The following ZC3H3 variants were observed in gnomAD, a reference collection of about 807,000 sequenced individuals.
ZC3H3 encodes the protein zinc finger CCCH-type containing 3.
A neutral mutation model predicts 77.3 loss-of-function variants in ZC3H3; 36 were observed. The observed-to-expected ratio is 0.47, with a 90% CI of 0.36 to 0.61. The LOEUF is 0.61. Ranked by LOEUF, ZC3H3 falls within the 20% of genes least tolerant of loss-of-function variation. The probability of loss-of-function intolerance (pLI) is 0.00; values close to 1 mark genes in which losing one functional copy is unlikely to be tolerated. For synonymous variants in ZC3H3, 626 were observed against 555.2 expected, an observed-to-expected ratio of 1.13 and a Z score of -1.79; for missense variants, 1,331 against 1,312.2, an observed-to-expected ratio of 1.01 and a Z score of -0.22.
intron 4 of ZC3H3, among the ~76,000 whole-genome samples, chr8:143,500,171 G>A (rs1012290814): frequency 6.6e-6 from 1 of 152,206 alleles, no homozygotes; most frequent in Non-Finnish European, 1.5e-5. Flanking sequence ...AGCACATCCG[G>A]CAGCAGCCAC....
In ZC3H3 at chr8:143,494,431, C is replaced by T. The variant is rs421091; in HGVS notation, c.1715+13315G>A. 2.0e-5 allele frequency among the ~76,000 whole-genome samples: 3 copies of T among 152,100 alleles called. No homozygotes were observed. The highest frequency in any genetic ancestry group is 7.2e-5 in the African/African-American group (3 of 41,396). On this transcript the variant is annotated intron_variant, in intron 4 of 11. Transcript: ENST00000262577. This position sits in a 1 kb window ranked among gnomAD's most constrained non-coding sequence, Gnocchi z 5.3. Reference sequence around the variant, plus strand: ...ATGCCTGCCAGCGTGGAGGATGGGGCTCCGGCAGATGACCCCCGAGGGGTG... The same window carrying T: ...ATGCCTGCCAGCGTGGAGGATGGGGTTCCGGCAGATGACCCCCGAGGGGTG...
Position 143,538,894 on chromosome 8 carries a change from C to G in ZC3H3, c.473G>C (p.Arg158Thr). Residue 158 changes from arginine (R) to threonine (T), a missense_variant, in exon 2 of 12, where the codon AGG becomes ACG. Physicochemically the swap from Arg to Thr is moderately conservative, Grantham distance 71. Around this residue, in one of 3 missense-constraint regions of ZC3H3, gnomAD observed 978 missense variants for 915.5 expected, o/e 1.07. Coordinates refer to ENST00000262577, the MANE Select transcript of ZC3H3 (RefSeq NM_015117.3). ...GGGCTCACCTTCACCTTCCCGGGGC[C>G]TTTGGTCACTCCAGGGGGTTTCCTC... ...EFEETPWSDQ[R>T]PREGEGEPPR... 1 of 1,612,890 alleles carries G rather than the reference C, an allele frequency of 6.2e-7. No homozygotes were observed. Among genetic ancestry groups the G allele is most frequent in the South Asian group, 1.1e-5 (1 of 91,092 alleles).
Position 143,438,123 on chromosome 8 carries a change from C to G in ZC3H3, c.2816-36G>C, listed in dbSNP as rs978316704. On this transcript the variant is annotated intron_variant, in intron 11 of 11. Coordinates refer to ENST00000262577, the MANE Select transcript of ZC3H3 (RefSeq NM_015117.3). ...AGGGCAAAAGTTAGGTGCCCGGAAA[C>G]CCCTGGAAGAACCTCCCCAGCCTGC... 7 of 1,594,786 alleles carry G rather than the reference C, an allele frequency of 4.4e-6. No homozygotes were observed. The African/African-American group carries it at 6.7e-5, about 15-fold the overall frequency.
At position 143,534,274 on chromosome 8, in the gene ZC3H3, A is replaced by C. The variant is rs537842531; in HGVS notation, c.1561+1983T>G. ...AGGGAAGCAGGGCCCTGTTTCTAAA[A>C]ACATTAAAAAAAAAAAAAAAAACGA... is the stretch of plus-strand genomic sequence containing the variant. On this transcript the variant is annotated intron_variant, in intron 3 of 11. Transcript: ENST00000262577. Among the ~76,000 whole-genome samples the C allele has an allele frequency of 9.4e-5, 13 of 138,632 alleles. No individual in the cohort carries two copies. The South Asian group carries it at 3.2e-3, about 34-fold the overall frequency. 90.9% of individuals were successfully genotyped at this position (138,632 alleles called of 152,430 possible).
In ZC3H3 at chr8:143,539,170, T is replaced by C. The variant is rs745500359; in HGVS notation, c.197A>G (p.His66Arg). 34 of 1,612,898 alleles carry C rather than the reference T, an allele frequency of 2.1e-5. No individual in the cohort carries two copies. The Middle Eastern group carries it at 4.9e-4, about 23-fold the overall frequency. ...GTATTTCTTGCGCCACGAAGGCCCA[T>C]GGTGGGAAGAGTAGCCCCTCCGGCT... ...RPSRRGYSSH[H>R]GPSWRKKYSL... Residue 66 changes from histidine (H) to arginine (R), a missense_variant, in exon 2 of 12, where the codon CAT becomes CGT. This residue lies in a region of ZC3H3 where 978 missense variants were observed against 915.5 expected (regional missense o/e 1.07). Coordinates refer to ENST00000262577, the MANE Select transcript of ZC3H3 (RefSeq NM_015117.3).
Position 143,494,665 on chromosome 8 carries a change from G to T in ZC3H3, c.1715+13081C>A, listed in dbSNP as rs1821298067. Reference sequence around the variant, plus strand: ...TGTGGGCAGACACACGAGGGGATGGGAGCACAGGAACACAGCCCCCAGAGG... The same window carrying T: ...TGTGGGCAGACACACGAGGGGATGGTAGCACAGGAACACAGCCCCCAGAGG... On this transcript the variant is annotated intron_variant, in intron 4 of 11. Coordinates refer to ENST00000262577, the MANE Select transcript of ZC3H3 (RefSeq NM_015117.3). This position sits in a 1 kb window ranked among gnomAD's most constrained non-coding sequence, Gnocchi z 5.3. 6.6e-6 allele frequency among the ~76,000 whole-genome samples: 1 copy of T among 152,160 alleles called. No individual in the cohort carries two copies. Among genetic ancestry groups the T allele is most frequent in the Non-Finnish European group, 1.5e-5 (1 of 68,016 alleles).
At chr8:143,490,446 A>G (rs986158136) in intron 4 of ZC3H3, among the ~76,000 whole-genome samples, 4 of 151,988 alleles carry the variant, frequency 2.6e-5, no homozygotes, top group African/African-American at 9.7e-5. Context: ...CCCAGAGACC[A>G]CCCGGGCCCA....
At chr8:143,474,796 A>C (rs992654734) in intron 5 of ZC3H3, among the ~76,000 whole-genome samples, 1 of 152,258 alleles carries the variant, frequency 6.6e-6, no homozygotes, top group Non-Finnish European at 1.5e-5. Flanking sequence ...TTGTAGGATA[A>C]GTGAATCCAA....
At chr8:143,453,163 G>A (rs1426636475) in intron 9 of ZC3H3, among the ~76,000 whole-genome samples, 3 of 152,088 alleles carry the variant, frequency 2.0e-5, no homozygotes, top group Admixed American at 6.6e-5. Flanking sequence ...CTGCAGCCTC[G>A]ACCTCCAGGG....
chr8:143,491,008 G>A lies in ZC3H3; in HGVS notation c.1716-15423C>T, dbSNP rs60806877. On this transcript the variant is annotated intron_variant, in intron 4 of 11. Transcript: ENST00000262577. ...TTTAAAACGGCGGCACCCAGGTAGC[G>A]CCGGGTGACAAGGACATTTTATTTC... 7.9e-5 allele frequency among the ~76,000 whole-genome samples: 12 copies of A among 152,366 alleles called. No individual in the cohort carries two copies. The East Asian group carries it at 1.3e-3, about 17-fold the overall frequency.
chr8:143,447,322 A>G (rs1200505085), intron 9 of ZC3H3, among the ~76,000 whole-genome samples: 2 of 152,060 alleles, frequency 1.3e-5, no homozygotes. Context: ...CCCCTCTACC[A>G]CCACCAGCCA....
At chr8:143,539,468 C>G in intron 1 of ZC3H3, 148 bp from the exon 2 acceptor site, 1 of 857,820 alleles carries the variant, frequency 1.2e-6, no homozygotes, top group African/African-American at 1.7e-5. Context: ...GCCCCCAGAG[C>G]CTGGGACTCA....
rs58846050 is a variant in ZC3H3, at chr8:143,488,566, T to C, written c.1716-12981A>G. Among the ~76,000 whole-genome samples, 303 of 144,324 alleles carry C rather than the reference T, an allele frequency of 2.1e-3. 4 individuals carry two copies. Among genetic ancestry groups the C allele is most frequent in the African/African-American group, 8.0e-3 (288 of 35,986 alleles). 94.7% of individuals were successfully genotyped at this position (144,324 alleles called of 152,430 possible). On this transcript the variant is annotated intron_variant, in intron 4 of 11. Transcript: ENST00000262577. ...GCTACACGGCCCCATCACCACGAAG[T>C]TCAGGAACAGGCAAAGCCAATCAAG... is the stretch of plus-strand genomic sequence containing the variant.
In ZC3H3 at chr8:143,536,446, C is replaced by A; in HGVS notation, c.1372G>T (p.Gly458Ter). ...IRRRSSTSLP[G>*]DKKSGTSPAA... ...GGTGAGGTGCCGCTTTTCTTGTCTC[C>A]AGGAAGGCTGTGGAGACAAAATACA... Residue 458 changes from glycine to a stop codon, truncating the protein, a stop_gained, in exon 3 of 12, where the codon GGA (glycine) becomes TGA (stop). Coordinates refer to ENST00000262577, the MANE Select transcript of ZC3H3 (RefSeq NM_015117.3). LOFTEE classifies it high-confidence loss of function. 1 of 1,513,180 alleles carries A rather than the reference C, an allele frequency of 6.6e-7. No individual in the cohort carries two copies. Among genetic ancestry groups the A allele is most frequent in the East Asian group, 2.5e-5 (1 of 40,586 alleles). The allele number at this position is 1,513,180 out of a possible 1,614,324, so 93.7% of individuals were successfully genotyped here. A position where few individuals can be genotyped will look rare whatever the true frequency, so the allele number is the denominator to read the frequency against.
chr8:143,449,074 G>A (rs1819927807), intron 9 of ZC3H3, among the ~76,000 whole-genome samples: 1 of 152,248 alleles, frequency 6.6e-6, no homozygotes, highest in African/African-American at 2.4e-5. Context: ...GCTGTGCAGG[G>A]CAGTGGGGCT....
rs564916567 is a variant in ZC3H3 at position 143,515,506 on chromosome 8, C to T, written c.1562-7607G>A. Among the ~76,000 whole-genome samples the T allele has an allele frequency of 6.6e-5, 10 of 152,380 alleles. No individual in the cohort carries two copies. The East Asian group carries it at 1.7e-3, about 26-fold the overall frequency. Reference sequence around the variant, plus strand: ...TAGTGGGCACCACGGGAGGCTCAGGCTCTCCCCACGAACGGGCCTCCCAGG... The same window carrying T: ...TAGTGGGCACCACGGGAGGCTCAGGTTCTCCCCACGAACGGGCCTCCCAGG... On this transcript the variant is annotated intron_variant, in intron 3 of 11. Coordinates refer to ENST00000262577, the MANE Select transcript of ZC3H3 (RefSeq NM_015117.3).
chr8:143,466,630 C>T (rs2129870479), intron 8 of ZC3H3, among the ~76,000 whole-genome samples: 1 of 152,278 alleles, frequency 6.6e-6, no homozygotes, highest in Middle Eastern at 3.4e-3. Context: ...CATCTCCCTG[C>T]CCCTCATGGG....
intron 4 of ZC3H3, among the ~76,000 whole-genome samples, chr8:143,498,945 G>A (rs1475259905): frequency 7.0e-6 from 1 of 142,248 alleles, no homozygotes; most frequent in African/African-American, 3.0e-5. Flanking sequence ...GGCAGTGCAG[G>A]GGGTACAGGG....
intron 1 of ZC3H3, 147 bp downstream of exon 1, chr8:143,541,229 A>G: frequency 1.4e-6 from 2 of 1,466,134 alleles, no homozygotes; most frequent in Non-Finnish European, 1.8e-6. Flanking sequence ...CCGGCCCACA[A>G]GTCCTGGCGG....
Sources: gnomAD v4.1 joint callset for allele counts (sites outside exome capture counted in the v4.1 genomes callset) on GRCh38, gnomAD v4.1.1 for gene constraint, gnomAD v4.1.1 regional missense constraint, Gnocchi (gnomAD v3.1) non-coding constraint, MANE v1.5 for transcripts, NCBI Gene and HGNC (gene_info 2026-07-23, HGNC 2026-07-21) for gene names.